RABEPK: variants seen among roughly 807,000 people sequenced by gnomAD.
RABEPK encodes Rab9 effector protein with kelch motifs.
A neutral mutation model predicts 34.1 loss-of-function variants in RABEPK; 27 were observed. The ratio of observed to expected loss-of-function variants is 0.79; its 90% CI spans 0.58 to 1.09. The LOEUF is 1.09. Ranked by LOEUF, RABEPK falls within the 50% of genes least tolerant of loss-of-function variation. RABEPK has a pLI of 0.00. For missense variants in RABEPK, 449 were observed against 462.6 expected (o/e 0.97, Z 0.27); for synonymous variants, 172 against 169.2 (o/e 1.02, Z -0.13).
intron 4 of RABEPK, 136 bp downstream of exon 4, chr9:125,213,658 G>GA: frequency 2.6e-6 from 2 of 765,218 alleles, no homozygotes; most frequent in South Asian, 4.3e-5. Flanking sequence ...TGCTGACATA[G>GA]AAAATAGGAA....
chr9:125,208,146 A>AAAAAGAG (rs1286949143), intron 3 of RABEPK, among the ~76,000 whole-genome samples: 1 of 152,056 alleles, frequency 6.6e-6, no homozygotes, highest in Non-Finnish European at 1.5e-5. Context: ...AGAAAAAAGA[A>AAAAAGAG]AAAGTCAGCA....
chr9:125,220,408 G>C lies in RABEPK; in HGVS notation c.365-131G>C, dbSNP rs764475982. ...TCTTCCTTGATGTTTGTGAGTATGA[G>C]ATCCCTGCCCAAAACTATGCTGGCC... is the stretch of plus-strand genomic sequence containing the variant. On this transcript the variant is annotated intron_variant, in intron 4 of 7. Coordinates refer to ENST00000373538, the MANE Select transcript of RABEPK (RefSeq NM_005833.4). 8.1e-6 allele frequency: 12 copies of C among 1,477,850 alleles called. No individual in the cohort carries two copies. In the African/African-American group the frequency reaches 1.6e-4, roughly 19 times the overall value. 91.5% of individuals were successfully genotyped at this position (1,477,850 alleles called of 1,614,324 possible).
At chr9:125,222,713 C>CAAAAAAA (rs756826019) in intron 5 of RABEPK, among the ~76,000 whole-genome samples, 1 of 48,376 alleles carries the variant, frequency 2.1e-5, no homozygotes, top group Non-Finnish European at 3.8e-5. Context: ...GACTCTGTAT[C>CAAAAAAA]AAAAAAAAAA....
intron 3 of RABEPK, among the ~76,000 whole-genome samples, chr9:125,208,885 G>A (rs1004949539): frequency 6.6e-6 from 1 of 151,814 alleles, no homozygotes; most frequent in Non-Finnish European, 1.5e-5. Flanking sequence ...TACTACTACT[G>A]TAGTCCAAGC....
rs10986640 is a variant in RABEPK, at chr9:125,208,757, G to A, written c.211+1036G>A. Among the ~76,000 whole-genome samples, 90 of 151,816 alleles carry A rather than the reference G, an allele frequency of 5.9e-4. No homozygotes were observed. The East Asian group carries it at 0.017, about 28-fold the overall frequency. ...TCACCATGTTGGCCAGGATGGTCTC[G>A]AACTCCAGACCTCATGATTCACCCT... On this transcript the variant is annotated intron_variant, in intron 3 of 7. Transcript: ENST00000373538.
Position 125,232,578 on chromosome 9 carries a change from C to T in RABEPK, c.677-18C>T, listed in dbSNP as rs1832275170. 1.2e-6 allele frequency: 2 copies of T among 1,606,142 alleles called. No homozygotes were observed. Among genetic ancestry groups the T allele is most frequent in the Non-Finnish European group, 1.7e-6 (2 of 1,175,876 alleles). ...TCTTAGCCCATGCTGCGCCAAAGCT[C>T]TTTCTTTCTCTTGGCAGGTGACATG... is the stretch of plus-strand genomic sequence containing the variant. On this transcript the variant is annotated intron_variant, in intron 6 of 7. Coordinates refer to ENST00000373538, the MANE Select transcript of RABEPK (RefSeq NM_005833.4).
rs1432861836 is a variant in RABEPK at position 125,200,818 on chromosome 9, G to C, written c.-95G>C. On this transcript the variant is annotated 5_prime_UTR_variant, in exon 1 of 8. Coordinates refer to ENST00000373538, the MANE Select transcript of RABEPK (RefSeq NM_005833.4). Reference sequence around the variant, plus strand: ...GGATGAGATTTGCTGGGCTGGTAGCGGCGGCTGCTGCGGGAGGTCCCGCCC... The same window carrying C: ...GGATGAGATTTGCTGGGCTGGTAGCCGCGGCTGCTGCGGGAGGTCCCGCCC... 1 of 471,260 alleles carries C rather than the reference G, an allele frequency of 2.1e-6. No individual in the cohort carries two copies. The highest frequency in any genetic ancestry group is 1.5e-5 in the South Asian group (1 of 64,574). The allele number at this position is 471,260 out of a possible 1,614,324, so 29.2% of individuals were successfully genotyped here.
chr9:125,217,970 A>G (rs1831038798), intron 4 of RABEPK, among the ~76,000 whole-genome samples: 2 of 152,060 alleles, frequency 1.3e-5, no homozygotes, highest in Admixed American at 6.6e-5. Flanking sequence ...TTTACAAAAG[A>G]CAGAATTTCT....
chr9:125,219,593 G>A (rs917555816), intron 4 of RABEPK, among the ~76,000 whole-genome samples: 1 of 151,700 alleles, frequency 6.6e-6, no homozygotes, highest in Non-Finnish European at 1.5e-5. Context: ...AGTAGAGATG[G>A]GATTTCACCA....
chr9:125,205,756 G>A (rs1180911946), intron 2 of RABEPK, among the ~76,000 whole-genome samples: 1 of 152,108 alleles, frequency 6.6e-6, no homozygotes, highest in African/African-American at 2.4e-5. Context: ...CCAATGTGCT[G>A]GGATTACAGG....
At chr9:125,223,913 G>A (rs890626887) in intron 5 of RABEPK, among the ~76,000 whole-genome samples, 3 of 152,120 alleles carry the variant, frequency 2.0e-5, no homozygotes, top group African/African-American at 7.2e-5. Context: ...CAGGCTGGGC[G>A]CAGTGGCTCA....
Position 125,207,576 on chromosome 9 carries a change from T to TG in RABEPK, c.67dup (p.Val23GlyfsTer22). The TG allele has an allele frequency of 6.2e-7, 1 of 1,614,084 alleles. No individual in the cohort carries two copies. Among genetic ancestry groups the TG allele is most frequent in the Non-Finnish European group, 8.5e-7 (1 of 1,179,914 alleles). On this transcript the variant is annotated frameshift_variant, in exon 3 of 8. Transcript: ENST00000373538. LOFTEE classifies it high-confidence loss of function. ...CTTCCTTTGGCAGGTACACCTTGAC[T>TG]GTCCCTGGAGACAGCCCCTGTGCTC...
At chr9:125,222,375 C>T (rs1448800389) in intron 5 of RABEPK, 2 of 151,714 alleles carry the variant, frequency 1.3e-5, no homozygotes, top group Non-Finnish European at 2.9e-5. Context: ...AATTAAATTA[C>T]TGTTAACATC....
At chr9:125,204,808 C>T (rs1036135410) in intron 2 of RABEPK, among the ~76,000 whole-genome samples, 2 of 152,094 alleles carry the variant, frequency 1.3e-5, no homozygotes, top group Admixed American at 1.3e-4. Flanking sequence ...TTTTGTCCCT[C>T]TCTTTTCCCA....
intron 2 of RABEPK, among the ~76,000 whole-genome samples, chr9:125,207,354 G>A (rs1830290605): frequency 6.6e-6 from 1 of 152,180 alleles, no homozygotes; most frequent in East Asian, 1.9e-4. Context: ...ATTACTGTGA[G>A]ATGAAGACAG....
intron 1 of RABEPK, among the ~76,000 whole-genome samples, chr9:125,202,061 A>T (rs1669513233): frequency 6.6e-6 from 1 of 150,982 alleles, no homozygotes; most frequent in African/African-American, 2.4e-5. Flanking sequence ...AAATACAAAA[A>T]AAATTAGCCA....
intron 7 of RABEPK, among the ~76,000 whole-genome samples, chr9:125,233,076 CAAAA>C (rs760554134): frequency 4.6e-5 from 3 of 64,824 alleles, no homozygotes; most frequent in Non-Finnish European, 6.2e-5. Flanking sequence ...GACTCTGTCT[CAAAA>C]AAAAAAAAAA....
At chr9:125,210,223 G>A (rs1830495494) in intron 3 of RABEPK, among the ~76,000 whole-genome samples, 1 of 151,690 alleles carries the variant, frequency 6.6e-6, no homozygotes. Flanking sequence ...CTAACACGGT[G>A]AAACCCTGTC....
Position 125,233,756 on chromosome 9 carries a change from T to G in RABEPK, c.895T>G (p.Cys299Gly). 5 of 1,613,826 alleles carry G rather than the reference T, an allele frequency of 3.1e-6. No homozygotes were observed. The highest frequency in any genetic ancestry group is 4.2e-6 in the Non-Finnish European group (5 of 1,179,720). The stretch of plus-strand genomic sequence containing the variant: ...CCCTGGACGATTGGACCATTCCATG[T>G]GTATCATTCCATGGCCAGTGACGTG... ...LPPGRLDHSM[C>G]IIPWPVTCAS... The change falls in exon 8 of 8, where the codon TGT becomes GGT. Residue 299 changes from cysteine (C) to glycine (G), a missense_variant. Cys to Gly is a radical substitution (Grantham distance 159). Coordinates refer to ENST00000373538, the MANE Select transcript of RABEPK (RefSeq NM_005833.4).
Sources: allele counts gnomAD v4.1 joint callset (sites outside exome capture counted in the v4.1 genomes callset), GRCh38; gene constraint gnomAD v4.1.1; transcripts MANE v1.5; gene names NCBI Gene and HGNC (gene_info 2026-07-23, HGNC 2026-07-21).